Variants in POLN observed in about 807,000 individuals in gnomAD.
The protein encoded by POLN is DNA polymerase nu.
Under a neutral mutation model 113.5 loss-of-function variants are expected in POLN, and 108 were observed. The observed-to-expected ratio is 0.95, with a 90% CI of 0.81 to 1.12. POLN has a LOEUF of 1.12. POLN is among the 50% of genes most tolerant of loss of function. The pLI is 0.00. For synonymous variants in POLN, 386 were observed against 391.5 expected (o/e 0.99, Z 0.17); for missense variants, 1,097 against 1,077.1 (o/e 1.02, Z -0.26).
intron 13 of POLN, among the ~76,000 whole-genome samples, chr4:2,164,802 CAAAAAAAAAAAAAAAAAAAAAAAAA>C (rs33935159): frequency 0.18 from 5,189 of 28,790 alleles, 280 homozygotes; most frequent in Admixed American, 0.29. Context: ...GACTCTGTCT[CAAAAAAAAAAAAAAAAAAAAAAAAA>C]AAAAAAAAAA....
intron 5 of POLN, among the ~76,000 whole-genome samples, chr4:2,199,847 G>A (rs973513524): frequency 1.3e-5 from 2 of 152,118 alleles, no homozygotes; most frequent in African/African-American, 4.8e-5. Flanking sequence ...AAAGTGCTAG[G>A]ATTACAGGTG....
At chr4:2,135,432 CTGTT>C (rs1462802683) in intron 16 of POLN, among the ~76,000 whole-genome samples, 1 of 152,220 alleles carries the variant, frequency 6.6e-6, no homozygotes, top group Non-Finnish European at 1.5e-5. Flanking sequence ...CTGTGAATGT[CTGTT>C]CATGTGCACG....
In POLN at chr4:2,147,749, T is replaced by G. The variant is rs557296398; in HGVS notation, c.1731+9039A>C. 3.4e-4 allele frequency among the ~76,000 whole-genome samples: 51 copies of G among 150,210 alleles called. No homozygotes were observed. The South Asian group carries it at 0.01, about 30-fold the overall frequency. The stretch of plus-strand genomic sequence containing the variant: ...CCTCTGCCTCCCAGGTTTAAGCGAT[T>G]CTCCTGCCTCAGCCTCCCGAGTAGC... On this transcript the variant is annotated intron_variant, in intron 16 of 25. Transcript: ENST00000511885.
In POLN at chr4:2,207,987, C is replaced by T; in HGVS notation, c.714G>A (p.Gln238=). Residue 238 remains glutamine (Q), a splice_region_variant and synonymous_variant, in exon 5 of 26, where the codon CAG becomes CAA. Coordinates refer to ENST00000511885, the MANE Select transcript of POLN (RefSeq NM_181808.4). ...TDGSTQLGAD[Q]TPVSSVRGIV... ...AATAAAAACATCACTGTTTACTAAC[C>T]TGGTCAGCTCCTAGCTGGGTGGAAC... 6.3e-7 allele frequency: 1 copy of T among 1,591,732 alleles called. No individual in the cohort carries two copies. Among genetic ancestry groups the T allele is most frequent in the Non-Finnish European group, 8.5e-7 (1 of 1,171,992 alleles).
At chr4:2,143,026 A>T (rs1732042103) in intron 16 of POLN, among the ~76,000 whole-genome samples, 1 of 151,220 alleles carries the variant, frequency 6.6e-6, no homozygotes, top group South Asian at 2.1e-4. Flanking sequence ...CTCTGATGCA[A>T]TTTTTTTTTG....
rs893615915 is a variant in POLN at position 2,071,924 on chromosome 4, C to T, written c.*190G>A. Reference sequence around the variant, plus strand: ...CTGGGGGTGGTGGACGCGGCACTTCCCACTCACAGGAAGAATTCACTCAGA... The same window carrying T: ...CTGGGGGTGGTGGACGCGGCACTTCTCACTCACAGGAAGAATTCACTCAGA... On this transcript the variant is annotated 3_prime_UTR_variant, in exon 26 of 26. Transcript: ENST00000511885. The surrounding 1 kb of genome is among the most constrained non-coding windows in gnomAD (Gnocchi z 5.2). 1.3e-6 allele frequency: 1 copy of T among 752,480 alleles called. No homozygotes were observed. The highest frequency in any genetic ancestry group is 2.3e-6 in the Non-Finnish European group (1 of 427,242). 46.6% of individuals were successfully genotyped at this position (752,480 alleles called of 1,614,324 possible).
At position 2,079,133 on chromosome 4, in the gene POLN, C is replaced by T. The variant is rs781422057; in HGVS notation, c.2387+1825G>A. 15 of 183,854 alleles carry T rather than the reference C, an allele frequency of 8.2e-5. No homozygotes were observed. The South Asian group carries it at 1.3e-3, about 16-fold the overall frequency. The allele number at this position is 183,854 out of a possible 1,614,324, so 11.4% of individuals were successfully genotyped here. A position where few individuals can be genotyped will look rare whatever the true frequency, so the allele number is the denominator to read the frequency against. On this transcript the variant is annotated intron_variant, in intron 23 of 25. Transcript: ENST00000511885. Reference sequence around the variant, plus strand: ...GACAGGTTTCATTATGTTGCCCAGGCAACACATATGTTGTTCACAAACTTC... The same window carrying T: ...GACAGGTTTCATTATGTTGCCCAGGTAACACATATGTTGTTCACAAACTTC...
chr4:2,128,627 T>C (rs972327424), intron 18 of POLN, among the ~76,000 whole-genome samples: 3 of 150,978 alleles, frequency 2.0e-5, no homozygotes, highest in Admixed American at 2.0e-4. Context: ...CTGGGAGGAG[T>C]AGGGTCCGGC....
At chr4:2,179,655 C>T (rs1420605937) in intron 7 of POLN, among the ~76,000 whole-genome samples, 190 bp from the exon 8 acceptor site, 24 of 152,150 alleles carry the variant, frequency 1.6e-4, no homozygotes, top group Non-Finnish European at 5.9e-5. Context: ...CCTCGATGAA[C>T]CCAAGTCCCA....
In POLN at chr4:2,213,584, C is replaced by A. The variant is rs559393406; in HGVS notation, c.134-458G>T. ...CTGGGCTGAACAGTAAGTGACAGAA[C>A]CAGGATCCAATCCCAGGCAATAGGA... On this transcript the variant is annotated intron_variant, in intron 3 of 25. Transcript: ENST00000511885. Among the ~76,000 whole-genome samples the A allele has an allele frequency of 2.0e-5, 3 of 152,286 alleles. No homozygotes were observed. The East Asian group carries it at 5.8e-4, about 29-fold the overall frequency.
At chr4:2,222,676 A>G (rs974825682) in intron 3 of POLN, among the ~76,000 whole-genome samples, 1 of 148,860 alleles carries the variant, frequency 6.7e-6, no homozygotes, top group African/African-American at 2.5e-5. Context: ...TTAGCCTTTA[A>G]TTGCTTATCA....
intron 16 of POLN, among the ~76,000 whole-genome samples, chr4:2,147,520 G>C (rs775377899): frequency 2.6e-5 from 4 of 152,054 alleles, no homozygotes; most frequent in Non-Finnish European, 5.9e-5. Flanking sequence ...TGACAGTCCA[G>C]CATGGAGAAC....
chr4:2,083,945 T>TG (rs1287793908), intron 21 of POLN, among the ~76,000 whole-genome samples: 2 of 152,214 alleles, frequency 1.3e-5, no homozygotes, highest in Admixed American at 6.5e-5. Context: ...CCCAGGACCT[T>TG]GGGACGGCCA....
At chr4:2,096,949 G>A (rs768604490) in intron 19 of POLN, among the ~76,000 whole-genome samples, 3 of 152,160 alleles carry the variant, frequency 2.0e-5, no homozygotes, top group Non-Finnish European at 4.4e-5. Flanking sequence ...CATGTATGGT[G>A]CTTTCTACAT....
At chr4:2,111,835 A>C (rs1309227211) in intron 19 of POLN, among the ~76,000 whole-genome samples, 1 of 152,250 alleles carries the variant, frequency 6.6e-6, no homozygotes, top group Non-Finnish European at 1.5e-5. Flanking sequence ...TTATAGATTC[A>C]ATGCCATCCC....
chr4:2,241,134 G>GT, intron 2 of POLN: 1 of 510,882 alleles, frequency 2.0e-6, no homozygotes, highest in Admixed American at 3.9e-5. Flanking sequence ...CAAATATGAC[G>GT]ACAGTGTTTT....
intron 2 of POLN, chr4:2,238,497 A>T: frequency 1.6e-6 from 1 of 628,762 alleles, no homozygotes. Context: ...CCAAAAGTGA[A>T]ATGCAAAGAA....
intron 20 of POLN, among the ~76,000 whole-genome samples, chr4:2,092,871 CAA>C (rs899081541): frequency 1.3e-5 from 2 of 152,174 alleles, no homozygotes; most frequent in African/African-American, 4.8e-5. Flanking sequence ...GCTCATGTGA[CAA>C]AGTTTCAAAC....
At chr4:2,145,982 G>A (rs781429913) in intron 16 of POLN, among the ~76,000 whole-genome samples, 1 of 151,648 alleles carries the variant, frequency 6.6e-6, no homozygotes, top group Non-Finnish European at 1.5e-5. Context: ...AAAACATAAT[G>A]TTGAATGAAA....
Sources: allele counts gnomAD v4.1 joint callset (sites outside exome capture counted in the v4.1 genomes callset), GRCh38; gene constraint gnomAD v4.1.1; non-coding constraint Gnocchi (gnomAD v3.1); transcripts MANE v1.5; gene names NCBI Gene and HGNC (gene_info 2026-07-23, HGNC 2026-07-21).